The following DENND4C variants were observed in gnomAD, a reference collection of about 807,000 sequenced individuals.
DENND4C encodes DENN domain-containing protein 4C.
DENND4C carries 108 observed loss-of-function variants against 203.0 expected under a neutral mutation model. The ratio of observed to expected loss-of-function variants is 0.53; its 90% CI spans 0.46 to 0.62. The LOEUF is 0.62. DENND4C is among the 20% of genes least tolerant of loss of function. The pLI is 0.00. For missense variants in DENND4C, 2,481 were observed against 2,301.2 expected (o/e 1.08, Z -1.60); for synonymous variants, 871 against 792.4 (o/e 1.10, Z -1.67).
At chr9:19,322,619 C>T (rs1843067187) in intron 12 of DENND4C, among the ~76,000 whole-genome samples, 1 of 151,638 alleles carries the variant, frequency 6.6e-6, no homozygotes, top group Non-Finnish European at 1.5e-5. Context: ...GCCTGTAGTC[C>T]CAGCTTCTCA....
chr9:19,319,589 C>G (rs1473486176), intron 12 of DENND4C, among the ~76,000 whole-genome samples: 1 of 151,130 alleles, frequency 6.6e-6, no homozygotes, highest in Admixed American at 6.6e-5. Flanking sequence ...TAAGATTAGG[C>G]TCAGATTGTG....
intron 1 of DENND4C, among the ~76,000 whole-genome samples, chr9:19,237,626 G>C (rs1822345134): frequency 6.6e-6 from 1 of 152,050 alleles, no homozygotes; most frequent in Non-Finnish European, 1.5e-5. Context: ...CAAAGTGCTG[G>C]GATTACAGGC....
intron 2 of DENND4C, among the ~76,000 whole-genome samples, chr9:19,281,797 C>G (rs1834097805): frequency 6.6e-6 from 1 of 152,184 alleles, no homozygotes; most frequent in South Asian, 2.1e-4. Flanking sequence ...CAACTATAGC[C>G]TATTTTTCTT....
At chr9:19,327,968 TG>T in intron 15 of DENND4C, 61 bp from the exon 16 acceptor site, 1 of 1,458,526 alleles carries the variant, frequency 6.9e-7, no homozygotes. Flanking sequence ...GCCTAAACGC[TG>T]GAATAATATG....
intron 12 of DENND4C, among the ~76,000 whole-genome samples, chr9:19,322,854 A>G (rs1438685573): frequency 6.6e-6 from 1 of 152,178 alleles, no homozygotes; most frequent in Admixed American, 6.5e-5. Context: ...TACTTAATTA[A>G]GGAGACCAGA....
intron 10 of DENND4C, among the ~76,000 whole-genome samples, chr9:19,314,661 A>G (rs1841427996): frequency 6.6e-6 from 1 of 152,216 alleles, no homozygotes; most frequent in Admixed American, 6.5e-5. Context: ...AAAAAACTGC[A>G]TGTGAACTGC....
intron 1 of DENND4C, among the ~76,000 whole-genome samples, chr9:19,270,173 C>T (rs1200244248): frequency 1.3e-5 from 2 of 152,150 alleles, no homozygotes; most frequent in East Asian, 1.9e-4. Flanking sequence ...GACACAAGCA[C>T]CCCTGCAACC....
At position 19,372,199 on chromosome 9, in the gene DENND4C, C is replaced by T; in HGVS notation, c.*26C>T. On this transcript the variant is annotated 3_prime_UTR_variant, in exon 33 of 33. Coordinates refer to ENST00000434457, the MANE Select transcript of DENND4C (RefSeq NM_001330640.2). ...ATAGAGATTCACTAGAATGTTGACACACAAGGCTTGGGGATTAGATTTCAT... is the reference window on the plus strand; with the variant it reads ...ATAGAGATTCACTAGAATGTTGACATACAAGGCTTGGGGATTAGATTTCAT... 1.9e-6 allele frequency: 3 copies of T among 1,594,806 alleles called. No homozygotes were observed. The highest frequency in any genetic ancestry group is 2.6e-6 in the Non-Finnish European group (3 of 1,171,064).
intron 1 of DENND4C, among the ~76,000 whole-genome samples, chr9:19,232,764 T>C (rs1362407439): frequency 6.6e-6 from 1 of 152,212 alleles, no homozygotes; most frequent in Non-Finnish European, 1.5e-5. Context: ...TGGGAGATTA[T>C]TTGGTTGAGC....
At chr9:19,262,469 T>G (rs552153233) in intron 1 of DENND4C, among the ~76,000 whole-genome samples, 1 of 151,146 alleles carries the variant, frequency 6.6e-6, no homozygotes, top group Admixed American at 6.6e-5. Flanking sequence ...TTTGAGACAG[T>G]CACCCAGGCT....
At position 19,269,405 on chromosome 9, in the gene DENND4C, C is replaced by G. The variant is rs564235109; in HGVS notation, c.-17-6753C>G. On this transcript the variant is annotated intron_variant, in intron 1 of 32. Coordinates refer to ENST00000434457, the MANE Select transcript of DENND4C (RefSeq NM_001330640.2). ...AACTCCTGACCTCGGGTGATCTGCC[C>G]GTCTCGGCCTCCCAAAATGCTGGGA... Among the ~76,000 whole-genome samples the G allele has an allele frequency of 4.0e-4, 61 of 152,232 alleles. 1 individual carries two copies. In the South Asian group the frequency reaches 0.011, roughly 28 times the overall value.
rs773607935 is a variant in DENND4C, at chr9:19,328,653, G to GTCTA, written c.2253+494_2253+495insATCT. Among the ~76,000 whole-genome samples, 339 of 84,468 alleles carry GTCTA rather than the reference G, an allele frequency of 4.0e-3. 1 individual carries two copies. Among genetic ancestry groups the GTCTA allele is most frequent in the African/African-American group, 6.4e-3 (159 of 24,994 alleles). The allele number at this position is 84,468 out of a possible 152,430, so 55.4% of individuals were successfully genotyped here. On this transcript the variant is annotated intron_variant, in intron 16 of 32. Transcript: ENST00000434457. ...TATGTGTCTGTCTGTCTGTCTGTCTGTCTGTCTATCTATCTATCTATCTAT... is the reference window on the plus strand; with the variant it reads ...TATGTGTCTGTCTGTCTGTCTGTCTGTCTATCTGTCTATCTATCTATCTATCTAT...
intron 1 of DENND4C, among the ~76,000 whole-genome samples, chr9:19,241,795 A>G (rs1823800638): frequency 6.6e-6 from 1 of 151,982 alleles, no homozygotes; most frequent in African/African-American, 2.4e-5. Context: ...AGGTGGGACG[A>G]TCGCTTGAGC....
chr9:19,263,682 C>G (rs1370671763), intron 1 of DENND4C, among the ~76,000 whole-genome samples: 1 of 133,090 alleles, frequency 7.5e-6, no homozygotes, highest in Admixed American at 7.4e-5. Flanking sequence ...AAGACAGAAT[C>G]TCGCTCTTGT....
Position 19,332,165 on chromosome 9 carries a change from A to T in DENND4C, c.2441A>T (p.Asp814Val). 1 of 1,613,938 alleles carries T rather than the reference A, an allele frequency of 6.2e-7. No homozygotes were observed. The highest frequency in any genetic ancestry group is 8.5e-7 in the Non-Finnish European group (1 of 1,179,894). ...GTACTTATTAAGATGAGGAAAACAG[A>T]TGTGGATCCCTTAGATGAGGCAAGT... ...YDVLIKMRKT[D>V]VDPLDEVCYR... The change falls in exon 17 of 33, where the codon GAT (aspartate) becomes GTT (valine). Residue 814 changes from aspartate to valine, a missense_variant. Around this residue, in one of 3 missense-constraint regions of DENND4C, gnomAD observed 2,289 missense variants for 2,113.3 expected, o/e 1.08. Coordinates refer to ENST00000434457, the MANE Select transcript of DENND4C (RefSeq NM_001330640.2).
At chr9:19,287,547 A>C (rs970606187) in intron 3 of DENND4C, among the ~76,000 whole-genome samples, 2 of 151,848 alleles carry the variant, frequency 1.3e-5, no homozygotes, top group African/African-American at 4.8e-5. Flanking sequence ...GGGTTTCATC[A>C]TGTTGGCCAG....
intron 15 of DENND4C, among the ~76,000 whole-genome samples, chr9:19,326,632 G>A (rs534828224): frequency 2.0e-5 from 3 of 152,044 alleles, no homozygotes; most frequent in Admixed American, 6.6e-5. Context: ...AATGGATTTT[G>A]TAGTTTTTTT....
At chr9:19,245,588 G>A (rs1824999198) in intron 1 of DENND4C, among the ~76,000 whole-genome samples, 1 of 151,790 alleles carries the variant, frequency 6.6e-6, no homozygotes, top group Non-Finnish European at 1.5e-5. Flanking sequence ...CGGGCGCGGT[G>A]GCTCACTCCT....
At chr9:19,256,506 G>A (rs112656662) in intron 1 of DENND4C, among the ~76,000 whole-genome samples, 1,674 of 151,444 alleles carry the variant, frequency 0.011, 28 homozygotes, top group African/African-American at 0.039. Context: ...AGAAGAGAGA[G>A]GTTTCTCTGT....
Sources: gnomAD v4.1 joint callset for allele counts (sites outside exome capture counted in the v4.1 genomes callset) on GRCh38, gnomAD v4.1.1 for gene constraint, gnomAD v4.1.1 regional missense constraint, MANE v1.5 for transcripts, NCBI Gene and HGNC (gene_info 2026-07-23, HGNC 2026-07-21) for gene names.